Variants in STK33 observed in about 807,000 individuals in gnomAD.
STK33 encodes serine/threonine-protein kinase 33.
Under a neutral mutation model 58.0 loss-of-function variants are expected in STK33, and 52 were observed. The ratio of observed to expected loss-of-function variants is 0.90; its 90% CI spans 0.72 to 1.13. The LOEUF (loss-of-function observed/expected upper bound fraction) is 1.13. Ranked by LOEUF, STK33 falls within the 50% of genes most tolerant of loss-of-function variation. The pLI, the probability that STK33 is intolerant of heterozygous loss-of-function variation, is 0.00. For missense variants in STK33, 630 were observed against 604.2 expected (o/e 1.04, Z -0.45); for synonymous variants, 215 against 200.1 (o/e 1.07, Z -0.63).
chr11:8,376,820 A>G, the STK33 span, among the ~76,000 whole-genome samples: 2 of 152,086 alleles, frequency 1.3e-5, no homozygotes, highest in East Asian at 1.9e-4. Flanking sequence ...GATTACAGGC[A>G]TGAGCCACCA....
chr11:8,510,999 T>C (rs1167669812), intron 1 of STK33, among the ~76,000 whole-genome samples: 1 of 152,204 alleles, frequency 6.6e-6, no homozygotes, highest in Non-Finnish European at 1.5e-5. Context: ...GTATGAATTT[T>C]GGTATTGTTT....
At chr11:8,557,059 TG>T (rs1956787022) in intron 1 of STK33, among the ~76,000 whole-genome samples, 1 of 151,654 alleles carries the variant, frequency 6.6e-6, no homozygotes, top group Non-Finnish European at 1.5e-5. Flanking sequence ...AAGACCAGCC[TG>T]GGCAACATAG....
chr11:8,494,952 G>T (rs1591478010), intron 1 of STK33, among the ~76,000 whole-genome samples: 1 of 152,106 alleles, frequency 6.6e-6, no homozygotes, highest in East Asian at 1.9e-4. Context: ...ACTCAAGATG[G>T]ATTAAAGGCT....
chr11:8,349,974 G>T, the STK33 span, among the ~76,000 whole-genome samples: 2 of 152,252 alleles, frequency 1.3e-5, no homozygotes, highest in African/African-American at 4.8e-5. Context: ...ACAGAGCTGC[G>T]ATCATGCACA....
At chr11:8,367,765 T>C in the STK33 span, among the ~76,000 whole-genome samples, 2 of 152,214 alleles carry the variant, frequency 1.3e-5, no homozygotes, top group South Asian at 2.1e-4. Flanking sequence ...CAAAGGCACA[T>C]GAGGCTTGAA....
chr11:8,500,672 A>G (rs1591507136), intron 1 of STK33, among the ~76,000 whole-genome samples: 1 of 152,194 alleles, frequency 6.6e-6, no homozygotes, highest in East Asian at 1.9e-4. Context: ...ATTTGTAGAA[A>G]TTGACAAGAT....
At chr11:8,367,078 G>A in the STK33 span, among the ~76,000 whole-genome samples, 2 of 152,250 alleles carry the variant, frequency 1.3e-5, no homozygotes, top group Non-Finnish European at 2.9e-5. Flanking sequence ...CATATACAAA[G>A]AGTTTATGTA....
At chr11:8,350,578 A>T in the STK33 span, among the ~76,000 whole-genome samples, 1 of 151,854 alleles carries the variant, frequency 6.6e-6, no homozygotes, top group Non-Finnish European at 1.5e-5. Flanking sequence ...GGTGCCAGCC[A>T]CCCTCATCTT....
At chr11:8,424,382 C>T (rs955615200) in intron 14 of STK33, among the ~76,000 whole-genome samples, 1 of 149,712 alleles carries the variant, frequency 6.7e-6, no homozygotes, top group Non-Finnish European at 1.5e-5. Context: ...TTAATCCAGT[C>T]TATCATTGTT....
At chr11:8,430,417 C>T (rs1359033371) in intron 14 of STK33, among the ~76,000 whole-genome samples, 2 of 152,044 alleles carry the variant, frequency 1.3e-5, no homozygotes, top group Admixed American at 6.5e-5. Flanking sequence ...CCAATCTTTT[C>T]GCTTCCCTGG....
intron 1 of STK33, among the ~76,000 whole-genome samples, chr11:8,508,974 T>C (rs566297249): frequency 1.3e-4 from 20 of 151,936 alleles, no homozygotes; most frequent in Non-Finnish European, 2.1e-4. Flanking sequence ...AAATTAGCTG[T>C]GTGTGGTGGC....
chr11:8,523,116 G>T (rs1238565016), intron 1 of STK33, among the ~76,000 whole-genome samples: 1 of 152,204 alleles, frequency 6.6e-6, no homozygotes, highest in Non-Finnish European at 1.5e-5. Flanking sequence ...CAGGCTGGAG[G>T]GCAGTGGCGT....
intron 14 of STK33, chr11:8,434,378 T>A (rs1943806235): frequency 6.5e-6 from 1 of 152,986 alleles, no homozygotes; most frequent in African/African-American, 2.4e-5. Context: ...AGATGAATAC[T>A]CTCTAGTAAT....
At chr11:8,429,453 A>C (rs570880498) in intron 14 of STK33, among the ~76,000 whole-genome samples, 1 of 152,248 alleles carries the variant, frequency 6.6e-6, no homozygotes, top group East Asian at 1.9e-4. Flanking sequence ...GTCACCTAAG[A>C]AGCAGTTTTG....
chr11:8,367,742 T>C, the STK33 span, among the ~76,000 whole-genome samples: 1 of 152,132 alleles, frequency 6.6e-6, no homozygotes, highest in African/African-American at 2.4e-5. Context: ...TCTAGAGAGT[T>C]TGGTAGCTTG....
chr11:8,404,176 T>C (rs757426813), intron 15 of STK33, among the ~76,000 whole-genome samples: 3 of 152,220 alleles, frequency 2.0e-5, no homozygotes, highest in African/African-American at 4.8e-5. Context: ...TCCAAATATA[T>C]AGACTTCTAA....
intron 15 of STK33, 123 bp downstream of exon 15, chr11:8,413,372 T>C: frequency 2.0e-6 from 2 of 1,020,042 alleles, no homozygotes; most frequent in Non-Finnish European, 2.9e-6. Flanking sequence ...GAACTTTACT[T>C]GCTATATAAC....
the STK33 span, among the ~76,000 whole-genome samples, chr11:8,351,380 G>A: frequency 1.3e-5 from 2 of 152,114 alleles, no homozygotes; most frequent in African/African-American, 2.4e-5. Context: ...TGGCATACAC[G>A]TGTCCAGGGC....
At chr11:8,455,890 T>C (rs1255979415) in intron 9 of STK33, among the ~76,000 whole-genome samples, 1 of 151,690 alleles carries the variant, frequency 6.6e-6, no homozygotes, top group East Asian at 1.9e-4. Context: ...CACTGGCAAT[T>C]ATACCTAATC....
Sources: gnomAD v4.1 joint callset for allele counts (sites outside exome capture counted in the v4.1 genomes callset) on GRCh38, gnomAD v4.1.1 for gene constraint, MANE v1.5 for transcripts, NCBI Gene and HGNC (gene_info 2026-07-23, HGNC 2026-07-21) for gene names.